SLX4IP: variants seen among roughly 807,000 people sequenced by gnomAD.
SLX4IP encodes protein SLX4IP.
SLX4IP carries 34 observed loss-of-function variants against 32.9 expected under a neutral mutation model. That is an observed-to-expected ratio of 1.03 (90% CI 0.79 to 1.38). SLX4IP has a LOEUF of 1.38. Ranked by LOEUF, SLX4IP falls within the 40% of genes most tolerant of loss-of-function variation. The pLI, the probability that SLX4IP is intolerant of heterozygous loss-of-function variation, is 0.00. For missense variants in SLX4IP, 444 were observed against 479.0 expected (o/e 0.93, Z 0.68); for synonymous variants, 172 against 171.7 (o/e 1.00, Z -0.01).
chr20:10,627,415 G>A lies in SLX4IP; in HGVS notation c.*4036G>A, dbSNP rs1485738030. 1 of 152,138 alleles carries A rather than the reference G, an allele frequency of 6.6e-6. No homozygotes were observed. The highest frequency in any genetic ancestry group is 2.4e-5 in the African/African-American group (1 of 41,442). The allele number at this position is 152,138 out of a possible 1,614,324, so 9.4% of individuals were successfully genotyped here. A position where few individuals can be genotyped will look rare whatever the true frequency, so the allele number is the denominator to read the frequency against. On this transcript the variant is annotated 3_prime_UTR_variant, in exon 8 of 8. Coordinates refer to ENST00000334534, the MANE Select transcript of SLX4IP (RefSeq NM_001009608.3). ...CAAAATAAATTAAGCATTGTAAAAC[G>A]AAGTTAATTCAGGTAATTACTCAGT...
intron 2 of SLX4IP, among the ~76,000 whole-genome samples, chr20:10,532,020 C>A (rs917524943): frequency 1.3e-5 from 2 of 152,094 alleles, no homozygotes; most frequent in African/African-American, 4.8e-5. Flanking sequence ...ACATCACATC[C>A]CTGACATTGG....
At chr20:10,449,095 G>A (rs1030345359) in intron 1 of SLX4IP, among the ~76,000 whole-genome samples, 2 of 152,084 alleles carry the variant, frequency 1.3e-5, no homozygotes, top group Non-Finnish European at 2.9e-5. Flanking sequence ...TCAATTCACC[G>A]TTTAATTCAT....
At chr20:10,562,466 C>T (rs761509172) in intron 4 of SLX4IP, among the ~76,000 whole-genome samples, 23 of 152,086 alleles carry the variant, frequency 1.5e-4, no homozygotes, top group Non-Finnish European at 1.3e-4. Flanking sequence ...CAACTTCTTC[C>T]GTTCCTCTGC....
At chr20:10,516,428 AAG>A (rs1568718784) in intron 2 of SLX4IP, among the ~76,000 whole-genome samples, 2 of 152,180 alleles carry the variant, frequency 1.3e-5, no homozygotes, top group African/African-American at 4.8e-5. Flanking sequence ...GTATGATTCT[AAG>A]GTAATGAGGT....
chr20:10,555,562 T>C (rs2066257935), intron 2 of SLX4IP, among the ~76,000 whole-genome samples: 1 of 152,248 alleles, frequency 6.6e-6, no homozygotes, highest in Admixed American at 6.5e-5. Context: ...GGCTATCTTA[T>C]TGAACAGCAT....
At chr20:10,445,705 ACCT>A (rs1015306279) in intron 1 of SLX4IP, among the ~76,000 whole-genome samples, 9 of 149,746 alleles carry the variant, frequency 6.0e-5, no homozygotes, top group African/African-American at 2.0e-4. Flanking sequence ...GCTCACTGCA[ACCT>A]CCGCCTCCTG....
chr20:10,574,335 G>A (rs114540511), intron 4 of SLX4IP, among the ~76,000 whole-genome samples: 51 of 152,308 alleles, frequency 3.3e-4, no homozygotes, highest in African/African-American at 1.2e-3. Context: ...TCCCATGTAA[G>A]TATAAACCTT....
intron 2 of SLX4IP, among the ~76,000 whole-genome samples, chr20:10,470,747 C>T (rs1170476046): frequency 1.3e-5 from 2 of 152,146 alleles, no homozygotes; most frequent in Admixed American, 1.3e-4. Flanking sequence ...GAAAAATTCA[C>T]CATATGTTAC....
intron 2 of SLX4IP, among the ~76,000 whole-genome samples, chr20:10,490,177 A>G (rs868602895): frequency 2.2e-4 from 27 of 121,218 alleles, no homozygotes; most frequent in African/African-American, 7.1e-4. Context: ...TTTAGTATTT[A>G]AAGTAGTGGA....
intron 6 of SLX4IP, among the ~76,000 whole-genome samples, chr20:10,618,446 G>C (rs1042221887): frequency 6.6e-6 from 1 of 152,210 alleles, no homozygotes; most frequent in African/African-American, 2.4e-5. Flanking sequence ...GAGGCAGATG[G>C]CTGGAAATGG....
At chr20:10,553,919 T>G (rs891228511) in intron 2 of SLX4IP, among the ~76,000 whole-genome samples, 1 of 152,224 alleles carries the variant, frequency 6.6e-6, no homozygotes, top group Non-Finnish European at 1.5e-5. Flanking sequence ...TCCCACACAT[T>G]TTCAGGGACG....
chr20:10,481,493 T>C (rs1397086526), intron 2 of SLX4IP, among the ~76,000 whole-genome samples: 1 of 152,228 alleles, frequency 6.6e-6, no homozygotes, highest in Non-Finnish European at 1.5e-5. Flanking sequence ...TCCTTGTTTA[T>C]TTTATTATTT....
rs558125950 is a variant in SLX4IP at position 10,524,172 on chromosome 20, A to G, written c.28-32059A>G. Among the ~76,000 whole-genome samples, 7 of 152,320 alleles carry G rather than the reference A, an allele frequency of 4.6e-5. 1 individual carries two copies. The highest frequency in any genetic ancestry group is 4.6e-4 in the Admixed American group (7 of 15,302). Reference sequence around the variant, plus strand: ...GTGATGGAAGAGAGCTGCAGGCCTCATGGGGTTTGTAAAGTGGACTGGCTG... The same window carrying G: ...GTGATGGAAGAGAGCTGCAGGCCTCGTGGGGTTTGTAAAGTGGACTGGCTG... On this transcript the variant is annotated intron_variant, in intron 2 of 7. Transcript: ENST00000334534.
chr20:10,554,961 A>G (rs1456727371), intron 2 of SLX4IP, among the ~76,000 whole-genome samples: 1 of 152,032 alleles, frequency 6.6e-6, no homozygotes, highest in Non-Finnish European at 1.5e-5. Flanking sequence ...AAATTTAACA[A>G]TTTTACAACT....
At chr20:10,547,822 G>A (rs538522511) in intron 2 of SLX4IP, among the ~76,000 whole-genome samples, 16 of 152,152 alleles carry the variant, frequency 1.1e-4, no homozygotes, top group South Asian at 2.1e-4. Context: ...CACTCTTCAC[G>A]ACCATCTGTG....
intron 2 of SLX4IP, among the ~76,000 whole-genome samples, chr20:10,497,793 T>C (rs964892535): frequency 6.6e-6 from 1 of 152,132 alleles, no homozygotes; most frequent in East Asian, 1.9e-4. Flanking sequence ...AATTTTGGTT[T>C]GGAGGCTCAT....
chr20:10,541,367 C>T (rs952594253), intron 2 of SLX4IP, among the ~76,000 whole-genome samples: 3 of 152,126 alleles, frequency 2.0e-5, no homozygotes, highest in African/African-American at 7.2e-5. Context: ...TATGAGGTTC[C>T]CAATGTTGCT....
intron 1 of SLX4IP, among the ~76,000 whole-genome samples, chr20:10,435,822 C>T (rs905683374): frequency 6.6e-6 from 1 of 152,182 alleles, no homozygotes; most frequent in African/African-American, 2.4e-5. Context: ...TTTGTATATA[C>T]TTCCCATTCA....
intron 6 of SLX4IP, chr20:10,614,314 G>T: frequency 1.7e-6 from 1 of 584,448 alleles, no homozygotes; most frequent in South Asian, 2.2e-5. Context: ...CAATTTTAAA[G>T]ACATTGAATA....
Sources: gnomAD v4.1 joint callset for allele counts (sites outside exome capture counted in the v4.1 genomes callset) on GRCh38, gnomAD v4.1.1 for gene constraint, MANE v1.5 for transcripts, NCBI Gene and HGNC (gene_info 2026-07-23, HGNC 2026-07-21) for gene names.